TTC28: variants seen among roughly 807,000 people sequenced by gnomAD.
TTC28 encodes tetratricopeptide repeat domain 28, also known as tetratricopeptide repeat protein 28.
In TTC28, 61 loss-of-function variants were observed where a neutral mutation model predicts 198.0. The observed-to-expected ratio is 0.31, with a 90% confidence interval of 0.25 to 0.38. The LOEUF is 0.38. Among genes scored for constraint, TTC28 ranks in the 10% least tolerant of loss-of-function variants. The probability of loss-of-function intolerance (pLI) is 1.00; values close to 1 mark genes in which losing one functional copy is unlikely to be tolerated. For synonymous variants in TTC28, 1,171 were observed against 1,297.8 expected (o/e 0.90, Z 2.10); for missense variants, 2,678 against 3,164.0 (o/e 0.85, Z 3.69).
At chr22:28,169,399 T>G (rs1385454889) in intron 5 of TTC28, among the ~76,000 whole-genome samples, 3 of 152,190 alleles carry the variant, frequency 2.0e-5, no homozygotes, top group Admixed American at 1.3e-4. Context: ...CTACTCACAA[T>G]AGCAAAGACT....
intron 2 of TTC28, among the ~76,000 whole-genome samples, chr22:28,532,809 C>T (rs568827909): frequency 1.6e-4 from 25 of 152,160 alleles, no homozygotes; most frequent in Admixed American, 1.2e-3. Context: ...ACAAAAGCCA[C>T]ATGATTATCT....
At chr22:28,073,807 T>C (rs10483143) in intron 12 of TTC28, among the ~76,000 whole-genome samples, 10,152 of 152,240 alleles carry the variant, frequency 0.067, 396 homozygotes, top group South Asian at 0.089. Context: ...ACTTTTACCA[T>C]CTCGACTTGT....
chr22:27,982,193 C>A lies in TTC28; in HGVS notation c.*28G>T. 10 of 1,457,576 alleles carry A rather than the reference C, an allele frequency of 6.9e-6. No homozygotes were observed. Among genetic ancestry groups the A allele is most frequent in the Non-Finnish European group, 8.2e-6 (9 of 1,104,072 alleles). 90.3% of individuals were successfully genotyped at this position (1,457,576 alleles called of 1,614,324 possible). ...ACGCCAGGCCCCCATCTGCAGGCTG[C>A]TCAGAGTCAGTGGGTATAAAAGATG... On this transcript the variant is annotated 3_prime_UTR_variant, in exon 23 of 23. Coordinates refer to ENST00000397906, the MANE Select transcript of TTC28 (RefSeq NM_001145418.2). This position sits in a 1 kb window ranked among gnomAD's most constrained non-coding sequence, Gnocchi z 5.2.
At chr22:28,661,742 G>A (rs1299321020) in intron 1 of TTC28, among the ~76,000 whole-genome samples, 2 of 151,920 alleles carry the variant, frequency 1.3e-5, no homozygotes, top group Non-Finnish European at 2.9e-5. Flanking sequence ...CCAAGTAGCT[G>A]GGATTACAAG....
chr22:28,009,313 G>T (rs571512721), intron 14 of TTC28, among the ~76,000 whole-genome samples: 4 of 152,332 alleles, frequency 2.6e-5, no homozygotes, highest in South Asian at 4.1e-4. Context: ...ATAGGACTGC[G>T]GCTAAACAAA....
At chr22:28,512,712 G>C (rs1053540668) in intron 2 of TTC28, among the ~76,000 whole-genome samples, 1 of 152,136 alleles carries the variant, frequency 6.6e-6, no homozygotes, top group African/African-American at 2.4e-5. Flanking sequence ...CTTGTAAGTG[G>C]GAGCTGAATG....
At chr22:28,086,417 G>A (rs1193498153) in intron 12 of TTC28, among the ~76,000 whole-genome samples, 1 of 151,872 alleles carries the variant, frequency 6.6e-6, no homozygotes, top group African/African-American at 2.4e-5. Context: ...ATGACTACTG[G>A]GTACATAACA....
At position 28,105,920 on chromosome 22, in the gene TTC28, C is replaced by A. The variant is rs935215571; in HGVS notation, c.2784-118G>T. The A allele has an allele frequency of 9.2e-6, 11 of 1,196,362 alleles. No individual in the cohort carries two copies. In the East Asian group the frequency reaches 2.8e-4, roughly 31 times the overall value. The allele number at this position is 1,196,362 out of a possible 1,614,324, so 74.1% of individuals were successfully genotyped here. A position where few individuals can be genotyped will look rare whatever the true frequency, so the allele number is the denominator to read the frequency against. On this transcript the variant is annotated intron_variant, in intron 7 of 22. Transcript: ENST00000397906. Reference sequence around the variant, plus strand: ...TCACTTACTATAGAAGCTCTTAACTCCTCTTCTAGCTAAAATCTATCATGT... The same window carrying A: ...TCACTTACTATAGAAGCTCTTAACTACTCTTCTAGCTAAAATCTATCATGT...
intron 2 of TTC28, among the ~76,000 whole-genome samples, chr22:28,480,716 T>A (rs938655232): frequency 6.6e-6 from 1 of 151,058 alleles, no homozygotes; most frequent in Non-Finnish European, 1.5e-5. Flanking sequence ...CTGTTTCCTA[T>A]CAAATGAAAC....
At chr22:28,367,218 A>C (rs2145979004) in intron 2 of TTC28, among the ~76,000 whole-genome samples, 1 of 152,270 alleles carries the variant, frequency 6.6e-6, no homozygotes. Context: ...ATTTCAAAAA[A>C]AAATTGAAAT....
Position 28,386,304 on chromosome 22 carries a change from A to G in TTC28, c.382-79661T>C, listed in dbSNP as rs868424280. Among the ~76,000 whole-genome samples the G allele has an allele frequency of 6.2e-3, 768 of 124,130 alleles. 13 individuals are homozygous for G. Among genetic ancestry groups the G allele is most frequent in the African/African-American group, 0.022 (743 of 34,028 alleles). 81.4% of individuals were successfully genotyped at this position (124,130 alleles called of 152,430 possible). ...AAAAAAAAAAAAAAAAAAAAAAAAA[A>G]AAGAAGGCTTCACCAGTTTTAGCAG... On this transcript the variant is annotated intron_variant, in intron 2 of 22. Transcript: ENST00000397906.
At chr22:28,232,203 T>C (rs1475124936) in intron 5 of TTC28, among the ~76,000 whole-genome samples, 1 of 152,246 alleles carries the variant, frequency 6.6e-6, no homozygotes, top group African/African-American at 2.4e-5. Context: ...TGTGGGCATC[T>C]GACTGAAAGC....
At chr22:28,215,489 T>G (rs1927314869) in intron 5 of TTC28, among the ~76,000 whole-genome samples, 1 of 152,216 alleles carries the variant, frequency 6.6e-6, no homozygotes, top group Admixed American at 6.5e-5. Flanking sequence ...CCTTGCTTCC[T>G]TATTTGGTGA....
At position 28,597,387 on chromosome 22, in the gene TTC28, C is replaced by T. The variant is rs183037030; in HGVS notation, c.381+32165G>A. 7.2e-5 allele frequency among the ~76,000 whole-genome samples: 11 copies of T among 152,294 alleles called. No individual in the cohort carries two copies. In the East Asian group the frequency reaches 2.1e-3, roughly 29 times the overall value. On this transcript the variant is annotated intron_variant, in intron 2 of 22. Transcript: ENST00000397906. ...AACCACCATTCTACTTTCTATATAACTCTCTGTTTTTTAAATCATAATATT... is the reference window on the plus strand; with the variant it reads ...AACCACCATTCTACTTTCTATATAATTCTCTGTTTTTTAAATCATAATATT...
rs1569065516 is a variant in TTC28, at chr22:27,983,599, T to C, written c.6068A>G (p.His2023Arg). The change falls in exon 23 of 23, where the codon CAT becomes CGT. Residue 2023 changes from histidine (H) to arginine (R), a missense_variant. Coordinates refer to ENST00000397906, the MANE Select transcript of TTC28 (RefSeq NM_001145418.2). ...EGGGPGGRQD[H>R]DRSKNAYLQR... ...CAGGTAAGCGTTCTTGGACCGGTCA[T>C]GGTCCTGCCGTCCTCCGGGGCCTCC... 3 of 1,548,754 alleles carry C rather than the reference T, an allele frequency of 1.9e-6. No homozygotes were observed. The highest frequency in any genetic ancestry group is 1.7e-6 in the Non-Finnish European group (2 of 1,145,838).
At chr22:27,986,613 C>A (rs17391737) in intron 21 of TTC28, among the ~76,000 whole-genome samples, 7 of 152,306 alleles carry the variant, frequency 4.6e-5, no homozygotes, top group African/African-American at 1.7e-4. Flanking sequence ...TCTGACCTCA[C>A]AGTGTTAAAG....
chr22:27,988,913 G>C (rs566949120), intron 21 of TTC28, among the ~76,000 whole-genome samples: 3 of 152,316 alleles, frequency 2.0e-5, no homozygotes, highest in South Asian at 2.1e-4. Flanking sequence ...ACTGTATTAG[G>C]TTTGTTCGTG....
intron 2 of TTC28, among the ~76,000 whole-genome samples, chr22:28,602,631 G>A (rs2050658425): frequency 1.3e-5 from 2 of 152,180 alleles, no homozygotes; most frequent in South Asian, 4.1e-4. Flanking sequence ...ATACACAAAA[G>A]TCCTTTGTAC....
intron 12 of TTC28, among the ~76,000 whole-genome samples, chr22:28,043,197 C>G (rs1939725208): frequency 7.8e-6 from 1 of 127,924 alleles, no homozygotes. Context: ...GAGCCAAGAT[C>G]ACGCCACTGC....
Sources: allele counts gnomAD v4.1 joint callset (sites outside exome capture counted in the v4.1 genomes callset), GRCh38; gene constraint gnomAD v4.1.1; non-coding constraint Gnocchi (gnomAD v3.1); transcripts MANE v1.5; gene names NCBI Gene and HGNC (gene_info 2026-07-23, HGNC 2026-07-21).